The following MYBBP1A variants were observed in gnomAD, a reference collection of about 807,000 sequenced individuals.
MYBBP1A encodes the protein MYB binding protein 1a.
MYBBP1A carries 147 observed loss-of-function variants against 136.3 expected under a neutral mutation model. The observed-to-expected ratio is 1.08, with a 90% CI of 0.94 to 1.24. The LOEUF (loss-of-function observed/expected upper bound fraction) is 1.24. MYBBP1A is among the 50% of genes most tolerant of loss of function. MYBBP1A has a pLI of 0.00. For missense variants in MYBBP1A, 2,060 were observed against 1,727.4 expected (o/e 1.19, Z -3.41); for synonymous variants, 947 against 735.8 (o/e 1.29, Z -4.65).
chr17:4,543,715 G>C (rs558018431), intron 19 of MYBBP1A, among the ~76,000 whole-genome samples: 4 of 152,158 alleles, frequency 2.6e-5, no homozygotes, highest in Admixed American at 2.6e-4. Flanking sequence ...CAGCTCCCAG[G>C]CCTTCACCTC....
intron 1 of MYBBP1A, 64 bp downstream of exon 1, chr17:4,555,063 T>C (rs2144515004): frequency 3.2e-6 from 5 of 1,574,548 alleles, no homozygotes; most frequent in Non-Finnish European, 4.3e-6. Context: ...CTCAACTCCC[T>C]GGGCCCGCCG....
intron 22 of MYBBP1A, 89 bp downstream of exon 22, chr17:4,542,375 C>G: frequency 7.0e-7 from 1 of 1,419,026 alleles, no homozygotes; most frequent in African/African-American, 1.4e-5. Context: ...ACCAGGACAG[C>G]GCTCTGGGGC....
Position 4,544,829 on chromosome 17 carries a change from C to T in MYBBP1A, c.2403G>A (p.Lys801=), listed in dbSNP as rs1464947890. The part of the protein sequence containing the change: ...QSLASLFAEQ[K]LRIQARRDEK... Reference sequence around the variant, plus strand: ...CGTCTCGCCGGGCCTGGATACGCAGCTTCTGCTCGGCAAAGAGGCTGGCGA... The same window carrying T: ...CGTCTCGCCGGGCCTGGATACGCAGTTTCTGCTCGGCAAAGAGGCTGGCGA... Residue 801 remains lysine, a synonymous_variant, in exon 18 of 26, where the codon AAG becomes AAA. Coordinates refer to ENST00000254718, the MANE Select transcript of MYBBP1A (RefSeq NM_014520.4). 1 of 1,607,396 alleles carries T rather than the reference C, an allele frequency of 6.2e-7. No individual in the cohort carries two copies. The highest frequency in any genetic ancestry group is 8.5e-7 in the Non-Finnish European group (1 of 1,177,440).
At chr17:4,554,980 T>G (rs1907897240) in intron 1 of MYBBP1A, 24 bp from the exon 2 acceptor site, 6 of 1,612,212 alleles carry the variant, frequency 3.7e-6, no homozygotes, top group Non-Finnish European at 5.1e-6. Context: ...CACACCCTCG[T>G]GTTCAATGGT....
At position 4,548,090 on chromosome 17, in the gene MYBBP1A, C is replaced by T; in HGVS notation, c.1725-33G>A. ...GAGACAGGCGATTCCCAGGCCCCTGCACCAGTCAGACTGCAGCGTCCTGCC... is the reference window on the plus strand; with the variant it reads ...GAGACAGGCGATTCCCAGGCCCCTGTACCAGTCAGACTGCAGCGTCCTGCC... On this transcript the variant is annotated intron_variant, in intron 12 of 25. Transcript: ENST00000254718. The surrounding 1 kb of genome is among the most constrained non-coding windows in gnomAD (Gnocchi z 4.2). 1 of 1,601,024 alleles carries T rather than the reference C, an allele frequency of 6.2e-7. No individual in the cohort carries two copies. Among genetic ancestry groups the T allele is most frequent in the Non-Finnish European group, 8.5e-7 (1 of 1,177,092 alleles).
intron 8 of MYBBP1A, among the ~76,000 whole-genome samples, chr17:4,550,755 G>A (rs1012307341): frequency 6.6e-6 from 1 of 152,250 alleles, no homozygotes; most frequent in Non-Finnish European, 1.5e-5. Flanking sequence ...CAAAGCCCAC[G>A]CTGCCAATTC....
At position 4,552,058 on chromosome 17, in the gene MYBBP1A, G is replaced by A; in HGVS notation, c.906-61C>T. On this transcript the variant is annotated intron_variant, in intron 7 of 25. Coordinates refer to ENST00000254718, the MANE Select transcript of MYBBP1A (RefSeq NM_014520.4). This position sits in a 1 kb window ranked among gnomAD's most constrained non-coding sequence, Gnocchi z 4.7. ...CTTGGTGCCCCTGGTGGGAACCTCA[G>A]GACTAGTGGCCTAGCCCACTTCACG... 6.3e-7 allele frequency: 1 copy of A among 1,597,022 alleles called. No homozygotes were observed. The highest frequency in any genetic ancestry group is 1.1e-5 in the South Asian group (1 of 88,452).
At position 4,539,888 on chromosome 17, in the gene MYBBP1A, T is replaced by C; in HGVS notation, c.3514A>G (p.Lys1172Glu). The change falls in exon 26 of 26, where the codon AAG (lysine) becomes GAG (glutamate). Residue 1172 changes from lysine to glutamate, a missense_variant. Transcript: ENST00000254718. ...QSPISKKRKK[K>E]GFLPETKKRK... ...TTCTTCGTCTCTGGCAAGAATCCCT[T>C]TTTCTTCCGCTTCTTACTGATGGGG... The C allele has an allele frequency of 6.2e-7, 1 of 1,602,468 alleles. No individual in the cohort carries two copies. Among genetic ancestry groups the C allele is most frequent in the Non-Finnish European group, 8.5e-7 (1 of 1,179,946 alleles).
rs777265637 is a variant in MYBBP1A, at chr17:4,551,861, C to G, written c.1023+19G>C. On this transcript the variant is annotated intron_variant, in intron 8 of 25. Coordinates refer to ENST00000254718, the MANE Select transcript of MYBBP1A (RefSeq NM_014520.4). ...GTCTAGCCTTTCTGGCAGTGTCGAG[C>G]TGCACGGGCATTACCCACCTTAGCA... is the stretch of plus-strand genomic sequence containing the variant. The G allele has an allele frequency of 1.2e-6, 2 of 1,603,908 alleles. No individual in the cohort carries two copies. The highest frequency in any genetic ancestry group is 1.7e-6 in the Non-Finnish European group (2 of 1,172,082).
rs1311863228 is a variant in MYBBP1A, at chr17:4,546,511, C to T, written c.1825-569G>A. ...GGAGTCCAACTCCCCCTTGGACACT[C>T]AAGAAAGGCAGAACCTGACAAGGAT... On this transcript the variant is annotated intron_variant, in intron 13 of 25. Transcript: ENST00000254718. Among the ~76,000 whole-genome samples the T allele has an allele frequency of 2.0e-5, 3 of 152,154 alleles. No homozygotes were observed. In the South Asian group the frequency reaches 6.2e-4, roughly 32 times the overall value.
chr17:4,545,539 C>G, intron 15 of MYBBP1A, 71 bp downstream of exon 15: 2 of 1,524,210 alleles, frequency 1.3e-6, no homozygotes, highest in Non-Finnish European at 1.8e-6. Flanking sequence ...GAGGCTGAAG[C>G]GGCACCCCTG....
At position 4,539,793 on chromosome 17, in the gene MYBBP1A, G is replaced by T; in HGVS notation, c.3609C>A (p.Ser1203Arg). 6.2e-7 allele frequency: 1 copy of T among 1,612,264 alleles called. No homozygotes were observed. Residue 1203 changes from serine to arginine, a missense_variant, in exon 26 of 26, where the codon AGC becomes AGA. Ser to Arg is a moderately radical substitution (Grantham distance 110, BLOSUM62 -1). Transcript: ENST00000254718. The stretch of plus-strand genomic sequence containing the variant: ...TCTTCCTGCCCATGCTGGGGGGCTG[G>T]CTCCCGCCGGTGGCTGCAGGTGTGC... ...EDGTPAATGG[S>R]QPPSMGRKKR...
intron 13 of MYBBP1A, among the ~76,000 whole-genome samples, chr17:4,546,764 C>A (rs925730587): frequency 6.6e-6 from 1 of 152,184 alleles, no homozygotes; most frequent in Non-Finnish European, 1.5e-5. Flanking sequence ...ATCTTTGGTA[C>A]CTAAAAAGCA....
intron 9 of MYBBP1A, 42 bp downstream of exon 9, chr17:4,550,016 G>C: frequency 1.3e-6 from 2 of 1,569,250 alleles, no homozygotes; most frequent in Non-Finnish European, 1.7e-6. Context: ...GGCCTAGGAA[G>C]TTAACTCCTA....
In MYBBP1A at chr17:4,550,336, C is replaced by T. The variant is rs768643550; in HGVS notation, c.1041G>A (p.Lys347=). The T allele has an allele frequency of 7.4e-6, 12 of 1,612,262 alleles. No homozygotes were observed. The East Asian group carries it at 2.5e-4, about 33-fold the overall frequency. The change falls in exon 9 of 26, where the codon AAG becomes AAA. Residue 347 remains lysine, a synonymous_variant. Transcript: ENST00000254718. ...VCTAKLPKQF[K]FAPEMDDYVG... The stretch of plus-strand genomic sequence containing the variant: ...CGTAATCGTCCATCTCTGGGGCAAA[C>T]TTGAACTGCTTTGGGAGCTGCAAGA...
rs199584868 is a variant in MYBBP1A, at chr17:4,541,557, C to A, written c.3203G>T (p.Arg1068Leu). Reference protein sequence around the residue: ...QVLAKVTENLRVLGEAQTKAQ... With the variant: ...QVLAKVTENLLVLGEAQTKAQ... ...CTTGGTCTGCGCCTCCCCCAGCACG[C>A]GCAAGTTCTAGGGAAGGGTGGCCAG... is the stretch of plus-strand genomic sequence containing the variant. The change falls in exon 24 of 26, where the codon CGC becomes CTC. Residue 1068 changes from arginine to leucine, a missense_variant. Physicochemically the swap from Arg to Leu is moderately radical, Grantham distance 102. Coordinates refer to ENST00000254718, the MANE Select transcript of MYBBP1A (RefSeq NM_014520.4). 4 of 1,612,158 alleles carry A rather than the reference C, an allele frequency of 2.5e-6. No homozygotes were observed. Among genetic ancestry groups the A allele is most frequent in the Non-Finnish European group, 3.4e-6 (4 of 1,179,994 alleles).
Position 4,544,548 on chromosome 17 carries a change from C to G in MYBBP1A, c.2580G>C (p.Leu860=). Residue 860 remains leucine (L), a synonymous_variant, in exon 19 of 26, where the codon CTG becomes CTC. Coordinates refer to ENST00000254718, the MANE Select transcript of MYBBP1A (RefSeq NM_014520.4). The stretch of plus-strand genomic sequence containing the variant: ...GCTCCTGTTTGGAGCTGCTGCTGCG[C>G]AGGCTGCGCCGGATGATGCTCAGCA... ...EPLLSIIRRS[L]RSSSSKQEQD... is the part of the protein sequence containing the mutation. The G allele has an allele frequency of 1.3e-6, 2 of 1,560,170 alleles. No homozygotes were observed. Among genetic ancestry groups the G allele is most frequent in the Non-Finnish European group, 1.7e-6 (2 of 1,152,580 alleles).
At position 4,543,066 on chromosome 17, in the gene MYBBP1A, G is replaced by C; in HGVS notation, c.2739C>G (p.Arg913=). 1 of 1,613,296 alleles carries C rather than the reference G, an allele frequency of 6.2e-7. No homozygotes were observed. The highest frequency in any genetic ancestry group is 1.7e-5 in the Admixed American group (1 of 60,024). ...AGAGGGCGGTGGGGGAGTCGGGCTG[G>C]CGGCCAGCCTGCTGCACCAACCGCT... ...QVERLVQQAG[R]QPDSPTALYH... is the part of the protein sequence containing the mutation. Residue 913 remains arginine, a synonymous_variant, in exon 20 of 26, where the codon CGC becomes CGG. Coordinates refer to ENST00000254718, the MANE Select transcript of MYBBP1A (RefSeq NM_014520.4).
At position 4,552,097 on chromosome 17, in the gene MYBBP1A, G is replaced by A. The variant is rs148512163; in HGVS notation, c.905+28C>T. 3.7e-6 allele frequency: 6 copies of A among 1,606,816 alleles called. No individual in the cohort carries two copies. Among genetic ancestry groups the A allele is most frequent in the Admixed American group, 1.7e-5 (1 of 59,640 alleles). ...GCCCACTTCACGGACAGGGAAGGGG[G>A]CCGAGAGAGGACACGCGTCGCCCGC... On this transcript the variant is annotated intron_variant, in intron 7 of 25. Coordinates refer to ENST00000254718, the MANE Select transcript of MYBBP1A (RefSeq NM_014520.4). This position sits in a 1 kb window ranked among gnomAD's most constrained non-coding sequence, Gnocchi z 4.7.
Sources: gnomAD v4.1 joint callset for allele counts (sites outside exome capture counted in the v4.1 genomes callset) on GRCh38, gnomAD v4.1.1 for gene constraint, Gnocchi (gnomAD v3.1) non-coding constraint, MANE v1.5 for transcripts, NCBI Gene and HGNC (gene_info 2026-07-23, HGNC 2026-07-21) for gene names.